GABRB1: variants seen among roughly 807,000 people sequenced by gnomAD.
The protein encoded by GABRB1 is gamma-aminobutyric acid receptor subunit beta-1.
Under a neutral mutation model 51.6 loss-of-function variants are expected in GABRB1, and 17 were observed. The ratio of observed to expected loss-of-function variants is 0.33; its 90% CI spans 0.23 to 0.49. GABRB1 has a LOEUF of 0.49. GABRB1 is among the 20% of genes least tolerant of loss of function. The pLI is 0.99. For synonymous variants in GABRB1, 247 were observed against 218.9 expected (o/e 1.13, Z -1.14); for missense variants, 410 against 600.6 (o/e 0.68, Z 3.32).
chr4:47,273,878 C>CACACAT (rs1560308924), intron 4 of GABRB1, among the ~76,000 whole-genome samples: 1 of 151,502 alleles, frequency 6.6e-6, no homozygotes, highest in East Asian at 1.9e-4. Flanking sequence ...CACACACACA[C>CACACAT]ACACACACAC....
chr4:47,154,116 C>G (rs1187468955), intron 3 of GABRB1, among the ~76,000 whole-genome samples: 2 of 151,934 alleles, frequency 1.3e-5, no homozygotes, highest in African/African-American at 4.8e-5. Context: ...TTAATGGTGA[C>G]AGTGAAAAGA....
At chr4:47,079,119 G>A (rs1727708043) in intron 3 of GABRB1, among the ~76,000 whole-genome samples, 1 of 152,108 alleles carries the variant, frequency 6.6e-6, no homozygotes, top group African/African-American at 2.4e-5. Flanking sequence ...GGATGATGCT[G>A]GCCTCATAAA....
intron 1 of GABRB1, among the ~76,000 whole-genome samples, chr4:47,020,000 G>T (rs1053490071): frequency 4.0e-5 from 6 of 151,136 alleles, no homozygotes; most frequent in African/African-American, 7.4e-5. Context: ...TGCCTAGGCT[G>T]GTCTCGAACT....
intron 4 of GABRB1, among the ~76,000 whole-genome samples, chr4:47,269,498 G>C (rs1224119539): frequency 6.6e-6 from 1 of 152,106 alleles, no homozygotes; most frequent in Non-Finnish European, 1.5e-5. Flanking sequence ...GATGGCTCCA[G>C]TGGGGTTTAG....
intron 3 of GABRB1, among the ~76,000 whole-genome samples, chr4:47,061,933 C>T (rs973258274): frequency 1.3e-5 from 2 of 152,096 alleles, no homozygotes; most frequent in African/African-American, 4.8e-5. Flanking sequence ...ATTTTTCATT[C>T]CCACGTTGAA....
intron 3 of GABRB1, among the ~76,000 whole-genome samples, chr4:47,084,505 A>T (rs1727986418): frequency 6.6e-6 from 1 of 152,222 alleles, no homozygotes; most frequent in African/African-American, 2.4e-5. Flanking sequence ...AACTTTGTGT[A>T]TCTAGAAGTC....
At chr4:47,218,344 A>T (rs1720635019) in intron 4 of GABRB1, among the ~76,000 whole-genome samples, 1 of 151,820 alleles carries the variant, frequency 6.6e-6, no homozygotes, top group Non-Finnish European at 1.5e-5. Context: ...TTCCTTTGAA[A>T]AAACACCCAA....
At chr4:47,300,675 G>A (rs1350267122) in intron 4 of GABRB1, among the ~76,000 whole-genome samples, 1 of 151,884 alleles carries the variant, frequency 6.6e-6, no homozygotes, top group East Asian at 1.9e-4. Context: ...ATATATTTAT[G>A]GGGTACATGA....
intron 4 of GABRB1, among the ~76,000 whole-genome samples, chr4:47,213,351 T>C (rs1451293350): frequency 1.3e-5 from 2 of 152,192 alleles, no homozygotes; most frequent in African/African-American, 2.4e-5. Context: ...GTAACTTTTC[T>C]GACAAATTTC....
chr4:47,077,519 G>A (rs1221345499), intron 3 of GABRB1, among the ~76,000 whole-genome samples: 1 of 151,866 alleles, frequency 6.6e-6, no homozygotes, highest in African/African-American at 2.4e-5. Flanking sequence ...AATATATTTT[G>A]AGTAGAATGT....
chr4:47,117,636 T>C (rs780884755), intron 3 of GABRB1, among the ~76,000 whole-genome samples: 1 of 152,194 alleles, frequency 6.6e-6, no homozygotes, highest in South Asian at 2.1e-4. Context: ...TACTTTTTGG[T>C]GTTAGGGTCT....
intron 5 of GABRB1, among the ~76,000 whole-genome samples, chr4:47,370,486 C>A (rs1177651603): frequency 1.4e-4 from 20 of 140,998 alleles, no homozygotes; most frequent in Admixed American, 2.2e-4. Flanking sequence ...GACTCCATCT[C>A]AAAAAAAAAA....
intron 5 of GABRB1, among the ~76,000 whole-genome samples, chr4:47,377,443 G>C (rs982040297): frequency 1.3e-5 from 2 of 151,926 alleles, no homozygotes; most frequent in Non-Finnish European, 2.9e-5. Flanking sequence ...TCGTGGTCTC[G>C]GTGGCTCAGG....
intron 4 of GABRB1, among the ~76,000 whole-genome samples, chr4:47,172,085 T>C (rs931650166): frequency 2.0e-5 from 3 of 152,186 alleles, no homozygotes; most frequent in Non-Finnish European, 4.4e-5. Context: ...ACTCTAGATA[T>C]AGAGGTGTCC....
intron 3 of GABRB1, among the ~76,000 whole-genome samples, chr4:47,156,837 G>A (rs1402492639): frequency 6.6e-6 from 1 of 151,888 alleles, no homozygotes; most frequent in African/African-American, 2.4e-5. Flanking sequence ...ACATGGTGGT[G>A]AACACCTGTA....
intron 4 of GABRB1, among the ~76,000 whole-genome samples, chr4:47,303,051 G>A (rs1223676754): frequency 6.6e-6 from 1 of 151,784 alleles, no homozygotes; most frequent in Non-Finnish European, 1.5e-5. Flanking sequence ...GGTTTGTTTT[G>A]TTGTTTTTAG....
intron 4 of GABRB1, among the ~76,000 whole-genome samples, chr4:47,219,997 T>C (rs1427427248): frequency 6.6e-6 from 1 of 152,018 alleles, no homozygotes; most frequent in African/African-American, 2.4e-5. Flanking sequence ...CTTAAATTTC[T>C]GCCATTTCAA....
intron 3 of GABRB1, among the ~76,000 whole-genome samples, chr4:47,053,692 G>C (rs756363398): frequency 1.3e-5 from 2 of 152,190 alleles, no homozygotes; most frequent in African/African-American, 2.4e-5. Flanking sequence ...GGGTGACAAA[G>C]TCCTTTTCAA....
At chr4:47,415,926 A>AT (rs1209070559) in intron 8 of GABRB1, among the ~76,000 whole-genome samples, 1 of 152,142 alleles carries the variant, frequency 6.6e-6, no homozygotes, top group Non-Finnish European at 1.5e-5. Context: ...CAGAGAGATG[A>AT]CTCAAAGTAT....
Sources: gnomAD v4.1 joint callset for allele counts (sites outside exome capture counted in the v4.1 genomes callset) on GRCh38, gnomAD v4.1.1 for gene constraint, MANE v1.5 for transcripts, NCBI Gene and HGNC (gene_info 2026-07-23, HGNC 2026-07-21) for gene names.